Variants in OR7E24 observed in about 807,000 individuals in gnomAD.
OR7E24 encodes olfactory receptor family 7 subfamily E member 24.
For missense variants in OR7E24, 385 were observed against 410.3 expected (o/e 0.94, Z 0.53); for synonymous variants, 130 against 157.5 (o/e 0.83, Z 1.31).
the OR7E24 span, among the ~76,000 whole-genome samples, chr19:9,215,115 T>C: frequency 2.4e-4 from 37 of 152,032 alleles, no homozygotes; most frequent in African/African-American, 8.5e-4. Context: ...GAGGACAAGG[T>C]GGGCAGATCA....
chr19:9,222,810 G>C, the OR7E24 span, among the ~76,000 whole-genome samples: 1 of 152,040 alleles, frequency 6.6e-6, no homozygotes, highest in South Asian at 2.1e-4. Flanking sequence ...TAACCTAATT[G>C]ATTTAGCTAG....
chr19:9,247,383 T>C, upstream of OR7E24: 1 of 398,326 alleles, frequency 2.5e-6, no homozygotes, highest in Non-Finnish European at 4.4e-6. Flanking sequence ...GTCGTCTGCA[T>C]CAGGAGGCTC....
upstream of OR7E24, among the ~76,000 whole-genome samples, chr19:9,246,217 G>C (rs552166058): frequency 1.3e-5 from 2 of 151,270 alleles, no homozygotes; most frequent in Admixed American, 1.3e-4. Context: ...TTACAGGCAC[G>C]GGCCACCACA....
the OR7E24 span, among the ~76,000 whole-genome samples, chr19:9,221,340 CTTTTTTTTTTTTTTT>C: frequency 6.2e-5 from 5 of 81,180 alleles, no homozygotes; most frequent in African/African-American, 3.7e-4. Flanking sequence ...GTCTTTTGCC[CTTTTTTTTTTTTTTT>C]TTTTTTTTTT....
chr19:9,219,946 G>A, the OR7E24 span, among the ~76,000 whole-genome samples: 635 of 152,204 alleles, frequency 4.2e-3, 3 homozygotes, highest in African/African-American at 0.013. Context: ...ATCTCCAAGC[G>A]ATGTGACTCC....
the OR7E24 span, among the ~76,000 whole-genome samples, chr19:9,230,699 T>C: frequency 3.3e-5 from 5 of 152,356 alleles, no homozygotes; most frequent in East Asian, 9.6e-4. Context: ...TAAAGAATTC[T>C]ATATCATTGT....
chr19:9,241,920 G>A, the OR7E24 span, among the ~76,000 whole-genome samples: 1 of 152,032 alleles, frequency 6.6e-6, no homozygotes, highest in Non-Finnish European at 1.5e-5. Flanking sequence ...TAACTCCCTT[G>A]GTAATTTCCT....
At chr19:9,241,267 T>G in the OR7E24 span, among the ~76,000 whole-genome samples, 2 of 152,160 alleles carry the variant, frequency 1.3e-5, no homozygotes, top group Non-Finnish European at 1.5e-5. Flanking sequence ...CAGCAGAATG[T>G]GTTAGCCTAG....
the OR7E24 span, among the ~76,000 whole-genome samples, chr19:9,220,608 A>C: frequency 6.6e-6 from 1 of 152,110 alleles, no homozygotes; most frequent in Non-Finnish European, 1.5e-5. Context: ...TTATCCATTC[A>C]TTTATTTGCA....
chr19:9,223,677 T>C, the OR7E24 span, among the ~76,000 whole-genome samples: 6 of 152,096 alleles, frequency 3.9e-5, no homozygotes, highest in Non-Finnish European at 5.9e-5. Flanking sequence ...TCATTTTTTA[T>C]TGTACTCACA....
chr19:9,230,497 A>T, the OR7E24 span, among the ~76,000 whole-genome samples: 390 of 152,140 alleles, frequency 2.6e-3, 4 homozygotes, highest in African/African-American at 8.7e-3. Flanking sequence ...TTTTCTGATG[A>T]TCTCCAAATC....
At chr19:9,249,818 T>TG (rs879334373), upstream of OR7E24, among the ~76,000 whole-genome samples, 1 of 151,956 alleles carries the variant, frequency 6.6e-6, no homozygotes, top group Admixed American at 6.6e-5. Flanking sequence ...CTGTGCATGG[T>TG]GGGGCGTGCG....
At chr19:9,216,878 C>T in the OR7E24 span, among the ~76,000 whole-genome samples, 1 of 152,206 alleles carries the variant, frequency 6.6e-6, no homozygotes, top group South Asian at 2.1e-4. Flanking sequence ...AGGCATGAGC[C>T]ACTGTGCCCA....
chr19:9,235,454 A>T, the OR7E24 span: 5,787 of 1,606,072 alleles, frequency 3.6e-3, 141 homozygotes, highest in African/African-American at 0.065. Context: ...GTGTATTTTT[A>T]AATGATGTTT....
At position 9,251,637 on chromosome 19, in the gene OR7E24, C is replaced by A; in HGVS notation, c.594C>A (p.Asp198Glu). Residue 198 changes from aspartate to glutamate, a missense_variant, in exon 1 of 1, where the codon GAC becomes GAA. Asp to Glu is a conservative substitution (Grantham distance 45, BLOSUM62 2). Coordinates refer to ENST00000456448, the MANE Select transcript of OR7E24 (RefSeq NM_001079935.2). ...KDVDISNFFCDPSQLLHLRCS... is the reference protein window; with the variant it reads ...KDVDISNFFCEPSQLLHLRCS... ...TGGACATTTCTAATTTCTTCTGTGA[C>A]CCTTCTCAACTCCTCCACCTTAGGT... The A allele has an allele frequency of 6.2e-7, 1 of 1,613,284 alleles. No homozygotes were observed. Among genetic ancestry groups the A allele is most frequent in the African/African-American group, 1.3e-5 (1 of 74,898 alleles).
At chr19:9,235,387 C>G in the OR7E24 span, 8 of 1,562,880 alleles carry the variant, frequency 5.1e-6, no homozygotes, top group East Asian at 1.8e-4. Flanking sequence ...CCCCAAGATG[C>G]TAGTGAACAT....
chr19:9,238,666 C>G, the OR7E24 span, among the ~76,000 whole-genome samples: 2 of 152,154 alleles, frequency 1.3e-5, no homozygotes, highest in Non-Finnish European at 2.9e-5. Flanking sequence ...TGTCTTTTGA[C>G]TATGATCTAC....
At chr19:9,235,655 G>T in the OR7E24 span, 1 of 1,592,596 alleles carries the variant, frequency 6.3e-7, no homozygotes, top group South Asian at 1.1e-5. Flanking sequence ...TTCTCCACAG[G>T]CACTGAGATT....
chr19:9,240,931 C>A, the OR7E24 span, among the ~76,000 whole-genome samples: 8 of 152,234 alleles, frequency 5.3e-5, no homozygotes, highest in Non-Finnish European at 1.0e-4. Flanking sequence ...GATTCTCCTG[C>A]CTCAGCCTCC....
Sources: allele counts gnomAD v4.1 joint callset (sites outside exome capture counted in the v4.1 genomes callset), GRCh38; gene constraint gnomAD v4.1.1; transcripts MANE v1.5; gene names NCBI Gene and HGNC (gene_info 2026-07-23, HGNC 2026-07-21).